CDH23: variants seen among roughly 807,000 people sequenced by gnomAD.
The protein encoded by CDH23 is cadherin related 23.
CDH23 carries 189 observed loss-of-function variants against 317.1 expected under a neutral mutation model. That is an observed-to-expected ratio of 0.60 (90% CI 0.53 to 0.67). CDH23 has a LOEUF of 0.67. CDH23 is among the 30% of genes least tolerant of loss of function. CDH23 has a pLI of 0.00. For missense variants in CDH23, 4,401 were observed against 4,592.4 expected (o/e 0.96, Z 1.20); for synonymous variants, 1,839 against 1,876.8 (o/e 0.98, Z 0.52).
chr10:71,577,052 T>C (rs1466215867), intron 8 of CDH23, among the ~76,000 whole-genome samples: 1 of 152,178 alleles, frequency 6.6e-6, no homozygotes, highest in African/African-American at 2.4e-5. Flanking sequence ...ATGCTGAATG[T>C]TGCCATCTGT....
At chr10:71,399,287 A>C (rs1279896797) in intron 1 of CDH23, among the ~76,000 whole-genome samples, 1 of 152,160 alleles carries the variant, frequency 6.6e-6, no homozygotes, top group Non-Finnish European at 1.5e-5. Context: ...CCCACCCCAG[A>C]CCTTCTGAAT....
intron 6 of CDH23, among the ~76,000 whole-genome samples, chr10:71,517,521 G>A (rs949132789): frequency 6.6e-6 from 1 of 151,842 alleles, no homozygotes; most frequent in Non-Finnish European, 1.5e-5. Flanking sequence ...GATGCTGAAT[G>A]ATTTATAAAC....
At chr10:71,493,430 A>C (rs778817056) in intron 3 of CDH23, among the ~76,000 whole-genome samples, 8 of 151,936 alleles carry the variant, frequency 5.3e-5, no homozygotes, top group Non-Finnish European at 7.4e-5. Context: ...TCCTTAACTC[A>C]TTTGCTCATC....
intron 6 of CDH23, among the ~76,000 whole-genome samples, chr10:71,530,241 G>A (rs1321964797): frequency 1.3e-5 from 2 of 152,356 alleles, no homozygotes; most frequent in African/African-American, 4.8e-5. Flanking sequence ...CCACTGGCAT[G>A]TAACAAGCCC....
chr10:71,566,957 C>T (rs1054078565), intron 7 of CDH23, 21 bp downstream of exon 7: 1 of 1,604,702 alleles, frequency 6.2e-7, no homozygotes, highest in Non-Finnish European at 8.5e-7. Flanking sequence ...ATGCTGGGGC[C>T]CCGGCCGTCC....
chr10:71,809,708 C>T, intron 60 of CDH23, 112 bp from the exon 61 acceptor site: 1 of 1,451,360 alleles, frequency 6.9e-7, no homozygotes, highest in Non-Finnish European at 9.3e-7. Flanking sequence ...GCCCTGTGGG[C>T]ATTTGTGCCG....
At chr10:71,646,406 C>T (rs1862860904) in intron 13 of CDH23, 53 bp from the exon 14 acceptor site, 19 of 1,598,562 alleles carry the variant, frequency 1.2e-5, no homozygotes, top group Non-Finnish European at 1.1e-5. Flanking sequence ...GGGACAAGGA[C>T]TCTGGGAGGG....
At position 71,523,694 on chromosome 10, in the gene CDH23, G is replaced by C. The variant is rs537809005; in HGVS notation, c.429+12482G>C. On this transcript the variant is annotated intron_variant, in intron 6 of 69. Transcript: ENST00000224721. ...GGCAGGTCACTGGTGAGGGGCAGGAGGAGGGTAGAGAGGCTCATTCATGTA... is the reference window on the plus strand; with the variant it reads ...GGCAGGTCACTGGTGAGGGGCAGGACGAGGGTAGAGAGGCTCATTCATGTA... Among the ~76,000 whole-genome samples, 3 of 152,324 alleles carry C rather than the reference G, an allele frequency of 2.0e-5. No individual in the cohort carries two copies. In the South Asian group the frequency reaches 6.2e-4, roughly 32 times the overall value.
chr10:71,402,409 G>C (rs1348498239), intron 1 of CDH23, among the ~76,000 whole-genome samples: 1 of 152,178 alleles, frequency 6.6e-6, no homozygotes, highest in African/African-American at 2.4e-5. Flanking sequence ...TTGATATTGA[G>C]CACCAGTTCT....
chr10:71,647,144 G>A, intron 14 of CDH23: 1 of 950,634 alleles, frequency 1.1e-6, no homozygotes, highest in Non-Finnish European at 1.3e-6. Context: ...AGCAAAAAAG[G>A]ATTGGCTCAT....
chr10:71,428,910 T>C (rs1401555596), intron 1 of CDH23, among the ~76,000 whole-genome samples: 1 of 152,224 alleles, frequency 6.6e-6, no homozygotes, highest in African/African-American at 2.4e-5. Flanking sequence ...ATATCTTCTA[T>C]GGAGAAATTT....
intron 1 of CDH23, among the ~76,000 whole-genome samples, chr10:71,420,270 T>C (rs1848693304): frequency 1.3e-5 from 2 of 151,856 alleles, no homozygotes; most frequent in Admixed American, 6.6e-5. Context: ...AGGCCCAAAG[T>C]GGAATCCAGT....
At chr10:71,578,498 G>C (rs888872181) in intron 9 of CDH23, among the ~76,000 whole-genome samples, 23 of 152,146 alleles carry the variant, frequency 1.5e-4, no homozygotes, top group African/African-American at 4.1e-4. Flanking sequence ...AATGTTGCGG[G>C]GGGGAACATC....
At chr10:71,810,619 C>T (rs1204640802) in intron 62 of CDH23, 50 bp downstream of exon 62, 2 of 1,564,340 alleles carry the variant, frequency 1.3e-6, no homozygotes, top group East Asian at 2.2e-5. Flanking sequence ...CTGCCTGCCT[C>T]CCTGCCCTGG....
chr10:71,609,085 G>T (rs1860701280), intron 9 of CDH23, among the ~76,000 whole-genome samples: 1 of 152,130 alleles, frequency 6.6e-6, no homozygotes, highest in Admixed American at 6.5e-5. Context: ...ATGTGGGAAT[G>T]ATGAGATTTG....
Position 71,812,854 on chromosome 10 carries a change from C to T in CDH23, c.9597C>T (p.Ala3199=). Residue 3199 remains alanine (A), a synonymous_variant, in exon 68 of 70, where the codon GCC becomes GCT. Coordinates refer to ENST00000224721, the MANE Select transcript of CDH23 (RefSeq NM_022124.6). ...RAAIQEYDNI[A]KLGQIIREGP... ...CCATCCAGGAGTATGACAACATTGCCAAGCTGGGCCAGATCATTCGTGAGG... is the reference window on the plus strand; with the variant it reads ...CCATCCAGGAGTATGACAACATTGCTAAGCTGGGCCAGATCATTCGTGAGG... 6.2e-7 allele frequency: 1 copy of T among 1,613,714 alleles called. No homozygotes were observed. Among genetic ancestry groups the T allele is most frequent in the Non-Finnish European group, 8.5e-7 (1 of 1,179,760 alleles).
At chr10:71,656,134 C>T (rs1217918769) in intron 14 of CDH23, among the ~76,000 whole-genome samples, 1 of 152,148 alleles carries the variant, frequency 6.6e-6, no homozygotes, top group Non-Finnish European at 1.5e-5. Flanking sequence ...CAGACCGCAG[C>T]CCCAGGACCA....
In CDH23 at chr10:71,751,729, A is replaced by T; in HGVS notation, c.4845+9808A>T. ...GAGACAGGGGGGTGCTGGGCTCCGA[A>T]AGCAGATGCCGCCCAGACTCAGAAG... On this transcript the variant is annotated intron_variant, in intron 38 of 69. Coordinates refer to ENST00000224721, the MANE Select transcript of CDH23 (RefSeq NM_022124.6). The surrounding 1 kb of genome is among the most constrained non-coding windows in gnomAD (Gnocchi z 4.9). The T allele has an allele frequency of 6.3e-7, 1 of 1,587,378 alleles. No homozygotes were observed.
intron 34 of CDH23, 128 bp downstream of exon 34, chr10:71,734,786 C>A: frequency 1.8e-6 from 1 of 562,180 alleles, no homozygotes; most frequent in Non-Finnish European, 3.3e-6. Context: ...TGCAGCAGGC[C>A]CCCTCCCAGT....
Sources: allele counts gnomAD v4.1 joint callset (sites outside exome capture counted in the v4.1 genomes callset), GRCh38; gene constraint gnomAD v4.1.1; non-coding constraint Gnocchi (gnomAD v3.1); transcripts MANE v1.5; gene names NCBI Gene and HGNC (gene_info 2026-07-23, HGNC 2026-07-21).